The following SLC24A2 variants were observed in gnomAD, a reference collection of about 807,000 sequenced individuals.
SLC24A2 encodes sodium/potassium/calcium exchanger 2.
In SLC24A2, 36 loss-of-function variants were observed where a neutral mutation model predicts 62.0. That is an observed-to-expected ratio of 0.58 (90% confidence interval 0.44 to 0.77). The LOEUF is 0.77. Ranked by LOEUF, SLC24A2 falls within the 30% of genes least tolerant of loss-of-function variation. The pLI is 0.00. For synonymous variants in SLC24A2, 358 were observed against 294.0 expected, an observed-to-expected ratio of 1.22 and a Z score of -2.23; for missense variants, 846 against 817.9, an observed-to-expected ratio of 1.03 and a Z score of -0.42.
At chr9:19,651,553 C>T (rs745842761) in intron 2 of SLC24A2, among the ~76,000 whole-genome samples, 8 of 130,384 alleles carry the variant, frequency 6.1e-5, no homozygotes, top group Non-Finnish European at 8.3e-5. Context: ...GAACCCCCCA[C>T]GCCCACCATC....
the SLC24A2 span, among the ~76,000 whole-genome samples, chr9:20,074,192 C>A: frequency 1.3e-5 from 2 of 151,802 alleles, no homozygotes; most frequent in Non-Finnish European, 2.9e-5. Context: ...CTGATTTATA[C>A]GCCATTAATG....
chr9:19,746,433 G>GC (rs1044303157), intron 2 of SLC24A2, among the ~76,000 whole-genome samples: 1 of 151,988 alleles, frequency 6.6e-6, no homozygotes, highest in Non-Finnish European at 1.5e-5. Context: ...GGTGCCTGAG[G>GC]CAACTCCTAG....
At chr9:19,533,551 G>C (rs901809609) in intron 8 of SLC24A2, among the ~76,000 whole-genome samples, 7 of 152,092 alleles carry the variant, frequency 4.6e-5, no homozygotes, top group African/African-American at 1.7e-4. Context: ...TGCTGCTCTC[G>C]GCACTTTGCC....
At chr9:20,223,625 T>C in the SLC24A2 span, among the ~76,000 whole-genome samples, 6 of 152,124 alleles carry the variant, frequency 3.9e-5, no homozygotes, top group African/African-American at 2.4e-5. Context: ...TGCAGGTGAA[T>C]AGACAAATAC....
At chr9:20,039,501 T>G in the SLC24A2 span, among the ~76,000 whole-genome samples, 1 of 151,890 alleles carries the variant, frequency 6.6e-6, no homozygotes, top group Non-Finnish European at 1.5e-5. Flanking sequence ...TTCCCATGGG[T>G]GACCCAACTA....
At chr9:20,191,279 T>A in the SLC24A2 span, among the ~76,000 whole-genome samples, 1 of 152,166 alleles carries the variant, frequency 6.6e-6, no homozygotes, top group Non-Finnish European at 1.5e-5. Context: ...AGTAAGTATG[T>A]AGTTTATATA....
intron 2 of SLC24A2, among the ~76,000 whole-genome samples, chr9:19,750,730 G>T (rs1235428289): frequency 6.6e-6 from 1 of 152,092 alleles, no homozygotes; most frequent in African/African-American, 2.4e-5. Flanking sequence ...GAGACACAAA[G>T]GTCCTTCAAG....
intron 2 of SLC24A2, among the ~76,000 whole-genome samples, chr9:19,716,772 C>T (rs373998517): frequency 6.6e-6 from 1 of 152,086 alleles, no homozygotes; most frequent in East Asian, 1.9e-4. Context: ...TTTTCCTTTC[C>T]TATTCTTCTG....
chr9:20,108,085 A>T, the SLC24A2 span, among the ~76,000 whole-genome samples: 2 of 152,352 alleles, frequency 1.3e-5, no homozygotes, highest in East Asian at 3.9e-4. Flanking sequence ...ACAGCCAAAA[A>T]ACACATGAAA....
the SLC24A2 span, among the ~76,000 whole-genome samples, chr9:19,960,779 T>C: frequency 1.3e-5 from 2 of 152,104 alleles, no homozygotes; most frequent in African/African-American, 2.4e-5. Flanking sequence ...TACTCCTGTG[T>C]AAAAAATGAG....
At chr9:20,269,037 A>C in the SLC24A2 span, among the ~76,000 whole-genome samples, 2 of 152,222 alleles carry the variant, frequency 1.3e-5, no homozygotes, top group African/African-American at 4.8e-5. Context: ...ACAATTTAGC[A>C]GTTAAGGATG....
chr9:19,901,148 A>G, the SLC24A2 span, among the ~76,000 whole-genome samples: 1 of 152,198 alleles, frequency 6.6e-6, no homozygotes, highest in Non-Finnish European at 1.5e-5. Flanking sequence ...ACTGGTGTGA[A>G]TGATACAGAG....
the SLC24A2 span, among the ~76,000 whole-genome samples, chr9:20,284,372 G>C: frequency 6.6e-6 from 1 of 151,978 alleles, no homozygotes. Flanking sequence ...CGAACTCCTA[G>C]GCTCAAGCAA....
chr9:19,741,544 T>C (rs898110208), intron 2 of SLC24A2, among the ~76,000 whole-genome samples: 1 of 152,208 alleles, frequency 6.6e-6, no homozygotes, highest in Non-Finnish European at 1.5e-5. Flanking sequence ...TTCTAGCCTT[T>C]TCTCTTTGAC....
chr9:19,963,993 G>T, the SLC24A2 span, among the ~76,000 whole-genome samples: 1 of 151,924 alleles, frequency 6.6e-6, no homozygotes, highest in South Asian at 2.1e-4. Context: ...TGATAGACTG[G>T]ATTAAGAAAA....
At chr9:20,121,972 A>T in the SLC24A2 span, among the ~76,000 whole-genome samples, 16,671 of 152,232 alleles carry the variant, frequency 0.11, 955 homozygotes, top group Middle Eastern at 0.17. Flanking sequence ...TAACAAAAAC[A>T]AAAGGAAAAG....
chr9:20,236,136 A>T, the SLC24A2 span, among the ~76,000 whole-genome samples: 1 of 152,126 alleles, frequency 6.6e-6, no homozygotes, highest in Admixed American at 6.5e-5. Flanking sequence ...TATCAGCAGC[A>T]GTCAAGATCT....
the SLC24A2 span, among the ~76,000 whole-genome samples, chr9:20,211,170 G>C: frequency 6.6e-6 from 1 of 151,900 alleles, no homozygotes; most frequent in African/African-American, 2.4e-5. Flanking sequence ...GTTAGCACTA[G>C]TCTTTCCTAT....
At chr9:19,618,687 T>C (rs1319679337) in intron 4 of SLC24A2, among the ~76,000 whole-genome samples, 1 of 152,186 alleles carries the variant, frequency 6.6e-6, no homozygotes, top group Non-Finnish European at 1.5e-5. Flanking sequence ...TCATACAACA[T>C]GATTCGACAA....
Sources: allele counts gnomAD v4.1 joint callset (sites outside exome capture counted in the v4.1 genomes callset), GRCh38; gene constraint gnomAD v4.1.1; transcripts MANE v1.5; gene names NCBI Gene and HGNC (gene_info 2026-07-23, HGNC 2026-07-21).